The following ST6GALNAC3 variants were observed in gnomAD, a reference collection of about 807,000 sequenced individuals.
ST6GALNAC3 encodes the protein alpha-N-acetylgalactosaminide alpha-2,6-sialyltransferase 3.
A neutral mutation model predicts 32.7 loss-of-function variants in ST6GALNAC3; 25 were observed. That is an observed-to-expected ratio of 0.76 (90% CI 0.56 to 1.07). The LOEUF is 1.07. ST6GALNAC3 is among the 50% of genes least tolerant of loss of function. The probability of loss-of-function intolerance (pLI) is 0.00; values close to 1 mark genes in which losing one functional copy is unlikely to be tolerated. For synonymous variants in ST6GALNAC3, 129 were observed against 133.1 expected (o/e 0.97, Z 0.21); for missense variants, 355 against 382.4 (o/e 0.93, Z 0.60).
At chr1:76,171,839 A>T (rs1039107549) in intron 1 of ST6GALNAC3, among the ~76,000 whole-genome samples, 15 of 134,490 alleles carry the variant, frequency 1.1e-4, no homozygotes, top group Non-Finnish European at 2.2e-4. Context: ...AAACAAGAAA[A>T]AAAACACAGA....
At chr1:76,574,608 AG>A (rs1287998766) in intron 3 of ST6GALNAC3, among the ~76,000 whole-genome samples, 1 of 152,068 alleles carries the variant, frequency 6.6e-6, no homozygotes, top group Admixed American at 6.6e-5. Context: ...CTGAAATTCA[AG>A]GGCCCATAGT....
chr1:76,583,103 T>A (rs1646914407), intron 3 of ST6GALNAC3, among the ~76,000 whole-genome samples: 1 of 152,188 alleles, frequency 6.6e-6, no homozygotes, highest in African/African-American at 2.4e-5. Context: ...TGAGAGCTGA[T>A]TTGGGAGACT....
At chr1:76,554,872 C>G (rs1016673574) in intron 3 of ST6GALNAC3, among the ~76,000 whole-genome samples, 1 of 152,074 alleles carries the variant, frequency 6.6e-6, no homozygotes, top group African/African-American at 2.4e-5. Flanking sequence ...GCAAGACTTA[C>G]TAAATGTTAA....
At chr1:76,576,844 A>C in intron 3 of ST6GALNAC3, 1 of 1,305,006 alleles carries the variant, frequency 7.7e-7, no homozygotes, top group East Asian at 5.5e-5. Flanking sequence ...CATGATATCC[A>C]GTACAGAGTG....
At chr1:76,503,089 T>C (rs1053492342) in intron 3 of ST6GALNAC3, among the ~76,000 whole-genome samples, 1 of 152,142 alleles carries the variant, frequency 6.6e-6, no homozygotes, top group African/African-American at 2.4e-5. Context: ...TGCTTTAAGC[T>C]CTATACACCA....
At chr1:76,512,915 T>A (rs2101762626) in intron 3 of ST6GALNAC3, among the ~76,000 whole-genome samples, 1 of 152,324 alleles carries the variant, frequency 6.6e-6, no homozygotes, top group South Asian at 2.1e-4. Context: ...CTGTCAAGCA[T>A]TTTTTCATGT....
chr1:76,624,018 C>T lies in ST6GALNAC3; in HGVS notation c.624-3434C>T, dbSNP rs545716367. On this transcript the variant is annotated intron_variant, in intron 3 of 4. Coordinates refer to ENST00000328299, the MANE Select transcript of ST6GALNAC3 (RefSeq NM_152996.4). ...AGAGAAAAGAACTACTTTGCTAGCC[C>T]TAGCTTGTACTGTGGGTAGGAAACC... 1.2e-3 allele frequency among the ~76,000 whole-genome samples: 183 copies of T among 152,014 alleles called. 2 individuals carry two copies. The highest frequency in any genetic ancestry group is 4.2e-3 in the African/African-American group (175 of 41,496).
intron 1 of ST6GALNAC3, among the ~76,000 whole-genome samples, chr1:76,224,107 A>G (rs1377090684): frequency 6.6e-6 from 1 of 152,084 alleles, no homozygotes; most frequent in Non-Finnish European, 1.5e-5. Context: ...ATGCTTCCAT[A>G]CTTCTCTGCC....
At chr1:76,495,957 G>T (rs1363325043) in intron 3 of ST6GALNAC3, among the ~76,000 whole-genome samples, 1 of 152,130 alleles carries the variant, frequency 6.6e-6, no homozygotes, top group Non-Finnish European at 1.5e-5. Context: ...GGCAATCTGG[G>T]CAAACCAATT....
At chr1:76,136,079 A>T (rs1649931520) in intron 1 of ST6GALNAC3, among the ~76,000 whole-genome samples, 1 of 152,238 alleles carries the variant, frequency 6.6e-6, no homozygotes, top group Non-Finnish European at 1.5e-5. Flanking sequence ...GCCCACCTCT[A>T]ACAGGCTCAC....
chr1:76,433,992 G>A (rs923432766), intron 3 of ST6GALNAC3, among the ~76,000 whole-genome samples: 1 of 151,978 alleles, frequency 6.6e-6, no homozygotes, highest in Non-Finnish European at 1.5e-5. Flanking sequence ...CTTATTGATT[G>A]CTCTTACTGA....
intron 3 of ST6GALNAC3, among the ~76,000 whole-genome samples, chr1:76,597,147 C>T (rs916948974): frequency 6.6e-6 from 1 of 152,158 alleles, no homozygotes; most frequent in East Asian, 1.9e-4. Context: ...GCTAATGACA[C>T]TCTCATCCAG....
intron 3 of ST6GALNAC3, among the ~76,000 whole-genome samples, chr1:76,527,030 A>C (rs936778868): frequency 5.9e-5 from 9 of 152,130 alleles, no homozygotes; most frequent in Admixed American, 3.9e-4. Context: ...TTGAGGATTT[A>C]CTAGATGTTC....
intron 3 of ST6GALNAC3, among the ~76,000 whole-genome samples, chr1:76,614,292 A>G (rs1231943512): frequency 6.6e-6 from 1 of 152,244 alleles, no homozygotes; most frequent in Non-Finnish European, 1.5e-5. Context: ...GCCAATTCTC[A>G]GAAGCTAAGT....
In ST6GALNAC3 at chr1:76,249,324, A is replaced by T. The variant is rs932122500; in HGVS notation, c.19-64481A>T. Among the ~76,000 whole-genome samples, 37 of 152,074 alleles carry T rather than the reference A, an allele frequency of 2.4e-4. 1 individual carries two copies. The highest frequency in any genetic ancestry group is 1.4e-3 in the Admixed American group (22 of 15,274). On this transcript the variant is annotated intron_variant, in intron 1 of 4. Transcript: ENST00000328299. Reference sequence around the variant, plus strand: ...ATAAATTTACCTACTCCAGACATACATTTTCTATAAGTGGAATAATATAAT... The same window carrying T: ...ATAAATTTACCTACTCCAGACATACTTTTTCTATAAGTGGAATAATATAAT...
In ST6GALNAC3 at chr1:76,630,151, G is replaced by T. The variant is rs2100736688; in HGVS notation, c.*1345G>T. On this transcript the variant is annotated 3_prime_UTR_variant, in exon 5 of 5. Coordinates refer to ENST00000328299, the MANE Select transcript of ST6GALNAC3 (RefSeq NM_152996.4). ...TCATTGTTCTGTTATATTCCAGATT[G>T]CTCTACTTGCTAATATTTGTATAGA... 1.0e-6 allele frequency: 1 copy of T among 985,114 alleles called. No homozygotes were observed. Among genetic ancestry groups the T allele is most frequent in the East Asian group, 1.1e-4 (1 of 8,800 alleles). The allele number at this position is 985,114 out of a possible 1,614,324, so 61.0% of individuals were successfully genotyped here.
intron 3 of ST6GALNAC3, among the ~76,000 whole-genome samples, chr1:76,623,669 A>G (rs1418179402): frequency 1.3e-5 from 2 of 152,042 alleles, no homozygotes; most frequent in African/African-American, 4.8e-5. Flanking sequence ...TTTGATAGTT[A>G]TCACTAAGTC....
intron 3 of ST6GALNAC3, among the ~76,000 whole-genome samples, chr1:76,508,248 C>T (rs143544629): frequency 2.0e-5 from 3 of 152,100 alleles, no homozygotes; most frequent in Non-Finnish European, 2.9e-5. Flanking sequence ...CAACAGGATT[C>T]GTGCTCCTGT....
intron 1 of ST6GALNAC3, among the ~76,000 whole-genome samples, chr1:76,259,631 A>G (rs1034267002): frequency 1.3e-5 from 2 of 152,172 alleles, no homozygotes; most frequent in Admixed American, 6.5e-5. Flanking sequence ...CCAACATTCT[A>G]TAGATTTCAG....
Sources: allele counts gnomAD v4.1 joint callset (sites outside exome capture counted in the v4.1 genomes callset), GRCh38; gene constraint gnomAD v4.1.1; transcripts MANE v1.5; gene names NCBI Gene and HGNC (gene_info 2026-07-23, HGNC 2026-07-21).